Variants in STPG4 observed in about 807,000 individuals in gnomAD.
STPG4 encodes the protein protein STPG4.
Under a neutral mutation model 31.5 loss-of-function variants are expected in STPG4, and 41 were observed. That is an observed-to-expected ratio of 1.30 (90% CI 1.01 to 1.69). The LOEUF (loss-of-function observed/expected upper bound fraction) is 1.69, where lower values mean the gene tolerates loss of function less well. Among genes scored for constraint, STPG4 ranks in the 40% most tolerant of loss-of-function variants. The pLI, the probability that STPG4 is intolerant of heterozygous loss-of-function variation, is 0.00. For missense variants in STPG4, 375 were observed against 293.4 expected (o/e 1.28, Z -2.03); for synonymous variants, 141 against 103.0 (o/e 1.37, Z -2.24).
chr2:47,150,508 T>C (rs1026977128), intron 3 of STPG4, among the ~76,000 whole-genome samples: 2 of 151,968 alleles, frequency 1.3e-5, no homozygotes, highest in Non-Finnish European at 2.9e-5. Context: ...TTTTCTTTTT[T>C]TTTTTAATTA....
chr2:47,155,030 C>A, intron 1 of STPG4, 141 bp downstream of exon 1: 1 of 695,346 alleles, frequency 1.4e-6, no homozygotes, highest in South Asian at 1.7e-5. Flanking sequence ...CAGGTGGAGA[C>A]GTGCGTGAGG....
chr2:47,122,579 C>T (rs984493902), intron 5 of STPG4, among the ~76,000 whole-genome samples: 1 of 152,094 alleles, frequency 6.6e-6, no homozygotes, highest in Admixed American at 6.5e-5. Flanking sequence ...CCTTTCCCTA[C>T]TGACTTGTCA....
chr2:47,120,278 C>T (rs1686240456), intron 5 of STPG4, among the ~76,000 whole-genome samples: 1 of 152,146 alleles, frequency 6.6e-6, no homozygotes, highest in Non-Finnish European at 1.5e-5. Context: ...TTGCAGTGAG[C>T]CGAGATTGTG....
chr2:47,101,915 T>G (rs1209510145), intron 5 of STPG4, among the ~76,000 whole-genome samples: 1 of 151,706 alleles, frequency 6.6e-6, no homozygotes, highest in African/African-American at 2.4e-5. Flanking sequence ...GGAGAATGCT[T>G]AGGACTCTAA....
chr2:47,117,794 G>A (rs913529114), intron 5 of STPG4, among the ~76,000 whole-genome samples: 2 of 152,256 alleles, frequency 1.3e-5, no homozygotes, highest in South Asian at 4.1e-4. Context: ...ATGATTTCTG[G>A]AACAGATGAA....
chr2:47,106,269 C>G lies in STPG4; in HGVS notation c.520-15895G>C, dbSNP rs374975841. 5.3e-5 allele frequency among the ~76,000 whole-genome samples: 8 copies of G among 152,054 alleles called. No individual in the cohort carries two copies. The East Asian group carries it at 9.6e-4, about 18-fold the overall frequency. On this transcript the variant is annotated intron_variant, in intron 5 of 6. Coordinates refer to ENST00000445927, the MANE Select transcript of STPG4 (RefSeq NM_001163561.2). The stretch of plus-strand genomic sequence containing the variant: ...TGACCTATATCTGCCTCCCCACTAA[C>G]TGGACAGGCACCTGCACCTTAGTCT...
At chr2:47,088,056 G>A (rs1435967612) in intron 6 of STPG4, among the ~76,000 whole-genome samples, 3 of 151,912 alleles carry the variant, frequency 2.0e-5, no homozygotes, top group African/African-American at 7.3e-5. Flanking sequence ...CCCAGCCGGG[G>A]TTTTTTGTTT....
intron 5 of STPG4, among the ~76,000 whole-genome samples, chr2:47,120,636 C>T (rs983503588): frequency 6.6e-6 from 1 of 151,966 alleles, no homozygotes; most frequent in African/African-American, 2.4e-5. Context: ...GGACCTGGCA[C>T]ATTCATTTGG....
chr2:47,114,259 C>T (rs1686100132), intron 5 of STPG4, among the ~76,000 whole-genome samples: 1 of 151,934 alleles, frequency 6.6e-6, no homozygotes, highest in Admixed American at 6.6e-5. Context: ...AATCCCAGCA[C>T]TTTGGAAGTC....
chr2:47,090,633 T>C (rs1489886693), intron 5 of STPG4, among the ~76,000 whole-genome samples: 1 of 152,192 alleles, frequency 6.6e-6, no homozygotes. Context: ...CCCTTCTCCC[T>C]GCCAGGGTCC....
At chr2:47,096,107 G>A (rs1034231884) in intron 5 of STPG4, among the ~76,000 whole-genome samples, 7 of 152,188 alleles carry the variant, frequency 4.6e-5, no homozygotes, top group Non-Finnish European at 1.0e-4. Context: ...TGTGTTACTG[G>A]CAGCAGAACT....
At chr2:47,120,054 G>C (rs1351082555) in intron 5 of STPG4, among the ~76,000 whole-genome samples, 2 of 152,228 alleles carry the variant, frequency 1.3e-5, no homozygotes, top group African/African-American at 4.8e-5. Context: ...GGCCAGGCCA[G>C]GGGCGGTGGC....
At chr2:47,100,786 A>G (rs1339591773) in intron 5 of STPG4, among the ~76,000 whole-genome samples, 1 of 151,356 alleles carries the variant, frequency 6.6e-6, no homozygotes, top group Non-Finnish European at 1.5e-5. Flanking sequence ...AACACTCACC[A>G]CGAAAGTCTG....
intron 5 of STPG4, among the ~76,000 whole-genome samples, chr2:47,103,370 G>T (rs2347613): frequency 2.0e-5 from 3 of 151,746 alleles, no homozygotes; most frequent in African/African-American, 4.9e-5. Flanking sequence ...CCAATCAGCC[G>T]CAGATATCAG....
intron 5 of STPG4, among the ~76,000 whole-genome samples, chr2:47,097,042 C>A (rs1685685418): frequency 6.6e-6 from 1 of 152,040 alleles, no homozygotes; most frequent in Admixed American, 6.6e-5. Flanking sequence ...AGGGAGGACA[C>A]AGGTGGACAG....
intron 6 of STPG4, among the ~76,000 whole-genome samples, chr2:47,088,574 TAAGACA>T (rs1313357225): frequency 6.6e-6 from 1 of 152,230 alleles, no homozygotes; most frequent in Non-Finnish European, 1.5e-5. Flanking sequence ...GGTGTCTCTC[TAAGACA>T]AAGAGGCTTG....
intron 5 of STPG4, among the ~76,000 whole-genome samples, chr2:47,098,038 A>G (rs1457106651): frequency 6.6e-6 from 1 of 152,192 alleles, no homozygotes; most frequent in Non-Finnish European, 1.5e-5. Context: ...CGTGTGTATG[A>G]ACATGAGAAT....
chr2:47,129,889 C>A (rs779640637), intron 5 of STPG4, 52 bp downstream of exon 5: 2 of 1,596,048 alleles, frequency 1.3e-6, no homozygotes, highest in African/African-American at 2.7e-5. Context: ...GAAAGCACAG[C>A]GTATTTTAAA....
chr2:47,100,849 C>G (rs924882359), intron 5 of STPG4, among the ~76,000 whole-genome samples: 1 of 151,602 alleles, frequency 6.6e-6, no homozygotes, highest in African/African-American at 2.4e-5. Context: ...GGAAGAAACT[C>G]CGAACACATC....
Sources: allele counts gnomAD v4.1 joint callset (sites outside exome capture counted in the v4.1 genomes callset), GRCh38; gene constraint gnomAD v4.1.1; transcripts MANE v1.5; gene names NCBI Gene and HGNC (gene_info 2026-07-23, HGNC 2026-07-21).